Variants in RNF111 observed in about 807,000 individuals in gnomAD.
The protein encoded by RNF111 is ring finger protein 111, also known as E3 ubiquitin-protein ligase Arkadia.
Under a neutral mutation model 95.1 loss-of-function variants are expected in RNF111, and 17 were observed. The observed-to-expected ratio is 0.18, with a 90% CI of 0.12 to 0.27. The LOEUF is 0.27. Ranked by LOEUF, RNF111 falls within the 10% of genes least tolerant of loss-of-function variation. The pLI, the probability that RNF111 is intolerant of heterozygous loss-of-function variation, is 1.00. For missense variants in RNF111, 1,189 were observed against 1,210.4 expected, an observed-to-expected ratio of 0.98 and a Z score of 0.26; for synonymous variants, 440 against 414.8, an observed-to-expected ratio of 1.06 and a Z score of -0.74.
chr15:59,058,511 A>G lies in RNF111; in HGVS notation c.1327A>G (p.Thr443Ala). The change falls in exon 5 of 14, where the codon ACT becomes GCT. Residue 443 changes from threonine to alanine, a missense_variant. Thr to Ala is a moderately conservative substitution (Grantham distance 58, BLOSUM62 0). Around this residue, in one of 2 missense-constraint regions of RNF111, gnomAD observed 1,024 missense variants for 925.9 expected, o/e 1.11. Transcript: ENST00000348370. ...QPSTVSETSATLTSNSTTGTS... is the reference protein window; with the variant it reads ...QPSTVSETSAALTSNSTTGTS... The stretch of plus-strand genomic sequence containing the variant: ...TTCCACAGTGTCAGAGACTTCAGCT[A>G]CTCTTACAAGCAATAGTACCACTGG... The G allele has an allele frequency of 6.2e-7, 1 of 1,613,980 alleles. No individual in the cohort carries two copies. Among genetic ancestry groups the G allele is most frequent in the Non-Finnish European group, 8.5e-7 (1 of 1,179,936 alleles).
chr15:59,066,618 A>G (rs2042667515), intron 5 of RNF111, 146 bp from the exon 6 acceptor site: 1 of 719,212 alleles, frequency 1.4e-6, no homozygotes, highest in Non-Finnish European at 2.2e-6. Flanking sequence ...TCAAAAAAAA[A>G]AGAACGTGGC....
chr15:59,052,048 C>G (rs1054269944), intron 2 of RNF111, among the ~76,000 whole-genome samples: 2 of 152,034 alleles, frequency 1.3e-5, no homozygotes, highest in Non-Finnish European at 2.9e-5. Flanking sequence ...GTAGAAACCA[C>G]TGAACATCTG....
At chr15:59,055,118 A>G (rs192337700) in intron 3 of RNF111, among the ~76,000 whole-genome samples, 70 of 152,318 alleles carry the variant, frequency 4.6e-4, no homozygotes, top group Non-Finnish European at 7.6e-4. Flanking sequence ...TCACGCAAGT[A>G]ATATTTCTTA....
intron 6 of RNF111, among the ~76,000 whole-genome samples, chr15:59,072,360 A>C (rs2042969040): frequency 6.6e-6 from 1 of 152,126 alleles, no homozygotes; most frequent in African/African-American, 2.4e-5. Flanking sequence ...CAATCCTTTC[A>C]AACTTTGCAG....
rs1408727967 is a variant in RNF111, at chr15:59,031,167, A to G, written c.345A>G (p.Ile115Met). 6.2e-7 allele frequency: 1 copy of G among 1,614,192 alleles called. No individual in the cohort carries two copies. The highest frequency in any genetic ancestry group is 1.1e-5 in the South Asian group (1 of 91,078). Reference protein sequence around the residue: ...VQNCVKENQGILGLRQHLGTP... With the variant: ...VQNCVKENQGMLGLRQHLGTP... ...ATTGTGTTAAAGAAAACCAGGGAAT[A>G]TTAGGACTGAGGCAACACCTAGGGA... The change falls in exon 2 of 14, where the codon ATA becomes ATG. Residue 115 changes from isoleucine to methionine, a missense_variant. This residue lies in a region of RNF111 where 1,024 missense variants were observed against 925.9 expected (regional missense o/e 1.11). Transcript: ENST00000348370.
chr15:59,052,384 C>T lies in RNF111; in HGVS notation c.960C>T (p.Thr320=). The T allele has an allele frequency of 6.2e-7, 1 of 1,603,570 alleles. No individual in the cohort carries two copies. The highest frequency in any genetic ancestry group is 8.5e-7 in the Non-Finnish European group (1 of 1,175,542). Residue 320 remains threonine (T), a synonymous_variant, in exon 3 of 14, where the codon ACC becomes ACT. Transcript: ENST00000348370. ...QVTANEEINV[T]STDSEVEIVT... ...CTGCCAATGAAGAAATTAATGTTAC[C>T]TCAACTGACAGTGAAGTGGAGATTG...
At chr15:59,085,414 T>C in intron 9 of RNF111, 1 of 234,868 alleles carries the variant, frequency 4.3e-6, no homozygotes, top group East Asian at 8.7e-5. Flanking sequence ...TTCCTTCCTT[T>C]GTAAGATGTG....
intron 6 of RNF111, among the ~76,000 whole-genome samples, chr15:59,075,609 T>C (rs2140132218): frequency 6.6e-6 from 1 of 152,330 alleles, no homozygotes; most frequent in Non-Finnish European, 1.5e-5. Context: ...AAGGAGAATA[T>C]AGAAGTATGA....
rs571733987 is a variant in RNF111 at position 59,087,171 on chromosome 15, C to T, written c.2550+1386C>T. Among the ~76,000 whole-genome samples, 9 of 152,212 alleles carry T rather than the reference C, an allele frequency of 5.9e-5. No homozygotes were observed. In the East Asian group the frequency reaches 1.7e-3, roughly 29 times the overall value. ...GGGTTAAAGATATGTTTTGATCTGT[C>T]AGTATATGGAGGTAATGAATCCATG... On this transcript the variant is annotated intron_variant, in intron 10 of 13. Coordinates refer to ENST00000348370, the MANE Select transcript of RNF111 (RefSeq NM_017610.8).
At chr15:59,085,531 T>C (rs1306545782) in intron 9 of RNF111, 128 bp from the exon 10 acceptor site, 3 of 792,630 alleles carry the variant, frequency 3.8e-6, no homozygotes, top group Non-Finnish European at 5.3e-6. Flanking sequence ...TTGGGCTAAA[T>C]TATCTTTCCT....
chr15:58,999,625 T>C (rs774401959), intron 1 of RNF111, among the ~76,000 whole-genome samples: 16 of 152,196 alleles, frequency 1.1e-4, no homozygotes, highest in Non-Finnish European at 1.5e-4. Flanking sequence ...TGTCAGCCAC[T>C]GTGCCCGGCC....
At chr15:59,072,687 C>T (rs368472755) in intron 6 of RNF111, among the ~76,000 whole-genome samples, 203 of 151,702 alleles carry the variant, frequency 1.3e-3, no homozygotes, top group African/African-American at 4.0e-3. Flanking sequence ...CTCCTGACCT[C>T]GTGATCTGCC....
chr15:59,022,142 G>A (rs2040376738), intron 1 of RNF111, among the ~76,000 whole-genome samples: 1 of 152,054 alleles, frequency 6.6e-6, no homozygotes, highest in African/African-American at 2.4e-5. Context: ...TTACAAGCAT[G>A]AGCCACCACG....
intron 6 of RNF111, among the ~76,000 whole-genome samples, chr15:59,072,974 C>T (rs1216931760): frequency 1.3e-5 from 2 of 151,490 alleles, no homozygotes; most frequent in Non-Finnish European, 2.9e-5. Flanking sequence ...GAGTTAAAGA[C>T]CAGTCTGGGC....
intron 1 of RNF111, among the ~76,000 whole-genome samples, chr15:59,006,715 A>G (rs951240259): frequency 1.3e-5 from 2 of 152,364 alleles, no homozygotes; most frequent in East Asian, 3.8e-4. Context: ...AAAGTTACAG[A>G]CGCCAGTGCA....
intron 4 of RNF111, among the ~76,000 whole-genome samples, chr15:59,056,444 G>T (rs1236150288): frequency 6.6e-6 from 1 of 152,164 alleles, no homozygotes; most frequent in Non-Finnish European, 1.5e-5. Context: ...CACATATTGG[G>T]AATCATCTTG....
At chr15:59,056,213 A>G (rs1227150606) in intron 4 of RNF111, among the ~76,000 whole-genome samples, 1 of 152,218 alleles carries the variant, frequency 6.6e-6, no homozygotes, top group Non-Finnish European at 1.5e-5. Flanking sequence ...TGAATTTTGA[A>G]TGACTAATAC....
At chr15:59,080,510 C>A (rs2078709362) in intron 7 of RNF111, among the ~76,000 whole-genome samples, 2 of 152,028 alleles carry the variant, frequency 1.3e-5, no homozygotes, top group African/African-American at 2.4e-5. Flanking sequence ...TTATTTTTTT[C>A]TTTCTGTCCC....
intron 5 of RNF111, among the ~76,000 whole-genome samples, chr15:59,062,496 T>C (rs2042483431): frequency 6.6e-6 from 1 of 152,238 alleles, no homozygotes; most frequent in South Asian, 2.1e-4. Flanking sequence ...ATATATTCAT[T>C]TGTTTAACAC....
Sources: gnomAD v4.1 joint callset for allele counts (sites outside exome capture counted in the v4.1 genomes callset) on GRCh38, gnomAD v4.1.1 for gene constraint, gnomAD v4.1.1 regional missense constraint, MANE v1.5 for transcripts, NCBI Gene and HGNC (gene_info 2026-07-23, HGNC 2026-07-21) for gene names.